Variants in TLN2 observed in about 807,000 individuals in gnomAD.
The protein encoded by TLN2 is talin 2.
Under a neutral mutation model 294.7 loss-of-function variants are expected in TLN2, and 118 were observed. The observed-to-expected ratio is 0.40, with a 90% CI of 0.34 to 0.47. TLN2 has a LOEUF of 0.47. TLN2 is among the 20% of genes least tolerant of loss of function. TLN2 has a pLI of 0.84. For missense variants in TLN2, 3,083 were observed against 3,282.2 expected (o/e 0.94, Z 1.48); for synonymous variants, 1,431 against 1,304.5 (o/e 1.10, Z -2.09).
chr15:62,698,927 A>ATACTCTG lies in TLN2; in HGVS notation c.1587+62_1587+68dup. 2.0e-6 allele frequency: 3 copies of ATACTCTG among 1,487,200 alleles called. No individual in the cohort carries two copies. The Admixed American group carries it at 5.6e-5, about 28-fold the overall frequency. The allele number at this position is 1,487,200 out of a possible 1,614,324, so 92.1% of individuals were successfully genotyped here. A position where few individuals can be genotyped will look rare whatever the true frequency, so the allele number is the denominator to read the frequency against. On this transcript the variant is annotated intron_variant, in intron 16 of 58. Transcript: ENST00000636159. Reference sequence around the variant, plus strand: ...CTGCCCTGGCAGAAAGCAGGGTTATATACTCTGTCGGGATTCATCTAGGTA... The same window carrying ATACTCTG: ...CTGCCCTGGCAGAAAGCAGGGTTATATACTCTGTACTCTGTCGGGATTCATCTAGGTA...
chr15:62,795,395 T>C (rs1323202754), intron 46 of TLN2, among the ~76,000 whole-genome samples: 2 of 152,004 alleles, frequency 1.3e-5, no homozygotes, highest in Non-Finnish European at 2.9e-5. Context: ...TGTGGTCAGG[T>C]TTATGTCATA....
In TLN2 at chr15:62,693,204, C is replaced by T. The variant is rs551054565; in HGVS notation, c.1215+263C>T. On this transcript the variant is annotated intron_variant, in intron 13 of 58. Coordinates refer to ENST00000636159, the MANE Select transcript of TLN2 (RefSeq NM_015059.3). ...AAAGTTAGCCGGGCGTGGTGGCAGG[C>T]GCCTGTAGTCCCAGTTACTCGGGAG... Among the ~76,000 whole-genome samples, 5 of 152,210 alleles carry T rather than the reference C, an allele frequency of 3.3e-5. No homozygotes were observed. In the South Asian group the frequency reaches 8.3e-4, roughly 25 times the overall value.
intron 54 of TLN2, chr15:62,827,714 A>G (rs968170235): frequency 1.3e-5 from 2 of 152,244 alleles, no homozygotes; most frequent in African/African-American, 4.8e-5. Context: ...GATACATAAC[A>G]GGGTTTAGAC....
intron 1 of TLN2, among the ~76,000 whole-genome samples, chr15:62,475,292 A>G (rs1258287608): frequency 2.6e-5 from 4 of 152,332 alleles, no homozygotes; most frequent in Non-Finnish European, 5.9e-5. Context: ...GTTCTGTTCC[A>G]AAAGTGTAAC....
At chr15:62,759,799 G>A (rs1455933073) in intron 37 of TLN2, among the ~76,000 whole-genome samples, 1 of 152,202 alleles carries the variant, frequency 6.6e-6, no homozygotes, top group Non-Finnish European at 1.5e-5. Flanking sequence ...CCACTCCAAA[G>A]TCCACTCTTG....
At chr15:62,409,819 T>A (rs2033653217) in intron 1 of TLN2, among the ~76,000 whole-genome samples, 1 of 152,196 alleles carries the variant, frequency 6.6e-6, no homozygotes, top group Non-Finnish European at 1.5e-5. Flanking sequence ...TCTTGACCAG[T>A]GTAATAGATC....
At chr15:62,654,364 C>T (rs1484195518) in intron 7 of TLN2, among the ~76,000 whole-genome samples, 1 of 152,102 alleles carries the variant, frequency 6.6e-6, no homozygotes, top group African/African-American at 2.4e-5. Flanking sequence ...ATGTGCACTT[C>T]CATCAGGAAG....
chr15:62,427,765 G>T (rs1022968486), intron 1 of TLN2, among the ~76,000 whole-genome samples: 1 of 152,148 alleles, frequency 6.6e-6, no homozygotes, highest in Non-Finnish European at 1.5e-5. Flanking sequence ...ATGTAAATTG[G>T]ATCTCAGCTT....
rs148060806 is a variant in TLN2 at position 62,642,001 on chromosome 15, G to A, written c.-36-5274G>A. On this transcript the variant is annotated intron_variant, in intron 3 of 58. Transcript: ENST00000636159. ...CTGCCATCATCCTGGGCTCTTTACA[G>A]CTCCCTGGGACTGAAAAGTATATTT... Among the ~76,000 whole-genome samples, 705 of 152,340 alleles carry A rather than the reference G, an allele frequency of 4.6e-3. 2 individuals carry two copies. The highest frequency in any genetic ancestry group is 0.016 in the African/African-American group (671 of 41,576).
At chr15:62,811,363 A>G (rs1190025358) in intron 52 of TLN2, among the ~76,000 whole-genome samples, 1 of 152,228 alleles carries the variant, frequency 6.6e-6, no homozygotes, top group Non-Finnish European at 1.5e-5. Context: ...AAGAGCCTCT[A>G]GCTAGACAGG....
chr15:62,829,849 GT>G (rs893797574), intron 54 of TLN2: 11 of 152,166 alleles, frequency 7.2e-5, no homozygotes, highest in African/African-American at 2.4e-4. Context: ...GAGTTCAATT[GT>G]TTTGATTTCT....
chr15:62,443,173 G>A (rs892738899), intron 1 of TLN2, among the ~76,000 whole-genome samples: 2 of 152,172 alleles, frequency 1.3e-5, no homozygotes, highest in Non-Finnish European at 2.9e-5. Context: ...TCTGAGGATT[G>A]GGGTGTGAAT....
At chr15:62,601,754 A>G (rs1046190244) in intron 2 of TLN2, among the ~76,000 whole-genome samples, 1 of 152,208 alleles carries the variant, frequency 6.6e-6, no homozygotes, top group Non-Finnish European at 1.5e-5. Flanking sequence ...TTTATCTTGG[A>G]AAGTCGGGAT....
Position 62,727,079 on chromosome 15 carries a change from T to G in TLN2, c.3256-8T>G, listed in dbSNP as rs1455939294. On this transcript the variant is annotated splice_polypyrimidine_tract_variant and splice_region_variant and intron_variant, in intron 27 of 58. Transcript: ENST00000636159. Reference sequence around the variant, plus strand: ...CTACGTTCTTTCCCTCCTTGAATATTCTTGTAGCTGGAAAAATGTGCTCAG... The same window carrying G: ...CTACGTTCTTTCCCTCCTTGAATATGCTTGTAGCTGGAAAAATGTGCTCAG... 6.2e-7 allele frequency: 1 copy of G among 1,613,804 alleles called. No individual in the cohort carries two copies. Among genetic ancestry groups the G allele is most frequent in the Admixed American group, 1.7e-5 (1 of 59,928 alleles).
chr15:62,503,279 T>G (rs987074412), intron 1 of TLN2, among the ~76,000 whole-genome samples: 7 of 152,226 alleles, frequency 4.6e-5, no homozygotes, highest in African/African-American at 1.4e-4. Flanking sequence ...TCCTAGGAAG[T>G]GGCCATCAGT....
At chr15:62,783,357 G>C (rs763909485) in intron 44 of TLN2, among the ~76,000 whole-genome samples, 1 of 152,182 alleles carries the variant, frequency 6.6e-6, no homozygotes, top group Admixed American at 6.5e-5. Flanking sequence ...GGTGAAAATC[G>C]CATAGGGCTT....
At chr15:62,529,482 G>C (rs2164239) in intron 1 of TLN2, among the ~76,000 whole-genome samples, 70,647 of 150,344 alleles carry the variant, frequency 0.47, 18,006 homozygotes, top group African/African-American at 0.68. Context: ...GTGGTCTCTC[G>C]TGCCCCATCC....
chr15:62,500,131 G>A (rs992554872), intron 1 of TLN2, among the ~76,000 whole-genome samples: 2 of 151,684 alleles, frequency 1.3e-5, no homozygotes, highest in African/African-American at 4.8e-5. Context: ...GAGGTCAGGA[G>A]TTCACGACCA....
At chr15:62,671,297 T>C (rs1367124458) in intron 9 of TLN2, among the ~76,000 whole-genome samples, 2 of 152,242 alleles carry the variant, frequency 1.3e-5, no homozygotes, top group Non-Finnish European at 2.9e-5. Flanking sequence ...TAGTCCATTT[T>C]ATTTTTTTTC....
Sources: allele counts gnomAD v4.1 joint callset (sites outside exome capture counted in the v4.1 genomes callset), GRCh38; gene constraint gnomAD v4.1.1; transcripts MANE v1.5; gene names NCBI Gene and HGNC (gene_info 2026-07-23, HGNC 2026-07-21).